ASCC3: variants seen among roughly 807,000 people sequenced by gnomAD.
ASCC3 encodes activating signal cointegrator 1 complex subunit 3.
In ASCC3, 158 loss-of-function variants were observed where a neutral mutation model predicts 256.3. The observed-to-expected ratio is 0.62, with a 90% CI of 0.54 to 0.70. The LOEUF (loss-of-function observed/expected upper bound fraction) is 0.70, where lower values mean the gene tolerates loss of function less well. Among genes scored for constraint, ASCC3 ranks in the 30% least tolerant of loss-of-function variants. The pLI, the probability that ASCC3 is intolerant of heterozygous loss-of-function variation, is 0.00. For missense variants in ASCC3, 2,259 were observed against 2,626.0 expected, an observed-to-expected ratio of 0.86 and a Z score of 3.05; for synonymous variants, 948 against 883.4, an observed-to-expected ratio of 1.07 and a Z score of -1.30.
intron 17 of ASCC3, among the ~76,000 whole-genome samples, chr6:100,655,119 A>C (rs1249183720): frequency 6.6e-6 from 1 of 151,980 alleles, no homozygotes; most frequent in Non-Finnish European, 1.5e-5. Context: ...AAGGAAAGAC[A>C]AGATTTCACA....
rs141835630 is a variant in ASCC3 at position 100,683,577 on chromosome 6, C to T, written c.2152-3825G>A. Among the ~76,000 whole-genome samples, 1,250 of 152,068 alleles carry T rather than the reference C, an allele frequency of 8.2e-3. 17 individuals carry two copies. The highest frequency in any genetic ancestry group is 0.029 in the African/African-American group (1,184 of 41,510). Reference sequence around the variant, plus strand: ...AATTTGGTTAATTAACTTAAATAGACTCATATGAAAATCACAAGTAATAGG... The same window carrying T: ...AATTTGGTTAATTAACTTAAATAGATTCATATGAAAATCACAAGTAATAGG... On this transcript the variant is annotated intron_variant, in intron 13 of 41. Transcript: ENST00000369162.
At chr6:100,658,716 T>C (rs1451052242) in intron 16 of ASCC3, among the ~76,000 whole-genome samples, 1 of 151,366 alleles carries the variant, frequency 6.6e-6, no homozygotes, top group African/African-American at 2.4e-5. Context: ...AAGATCTGTG[T>C]TGGAGAGTAA....
chr6:100,654,683 C>A (rs924819104), intron 17 of ASCC3, among the ~76,000 whole-genome samples: 14 of 151,930 alleles, frequency 9.2e-5, no homozygotes, highest in African/African-American at 3.4e-4. Flanking sequence ...GCACAAATTT[C>A]AACTGAGACA....
At chr6:100,872,974 G>A (rs1005525913) in intron 1 of ASCC3, among the ~76,000 whole-genome samples, 1 of 151,962 alleles carries the variant, frequency 6.6e-6, no homozygotes, top group African/African-American at 2.4e-5. Context: ...GACAAAACAT[G>A]GTTCTTTAAC....
In ASCC3 at chr6:100,508,837, T is replaced by G. The variant is rs1773620070; in HGVS notation, c.*549A>C. ...ATCATCATTAGGCTCCATAATATAA[T>G]TTTACATCATATATTATTAAACATT... On this transcript the variant is annotated 3_prime_UTR_variant, in exon 42 of 42. Transcript: ENST00000369162. The G allele has an allele frequency of 6.5e-6, 1 of 154,662 alleles. No homozygotes were observed. The highest frequency in any genetic ancestry group is 6.4e-5 in the Admixed American group (1 of 15,736). 9.6% of individuals were successfully genotyped at this position (154,662 alleles called of 1,614,324 possible). A position where few individuals can be genotyped will look rare whatever the true frequency, so the allele number is the denominator to read the frequency against.
In ASCC3 at chr6:100,701,718, A is replaced by G. The variant is rs1463919191; in HGVS notation, c.2151+13744T>C. Among the ~76,000 whole-genome samples the G allele has an allele frequency of 2.0e-5, 3 of 152,294 alleles. No individual in the cohort carries two copies. The East Asian group carries it at 5.8e-4, about 29-fold the overall frequency. ...CTATAGCTGGAATTACGAATAAGAT[A>G]TACAGTGTTATTACAGCTTATAATA... On this transcript the variant is annotated intron_variant, in intron 13 of 41. Transcript: ENST00000369162.
intron 8 of ASCC3, among the ~76,000 whole-genome samples, chr6:100,773,605 T>C (rs2115149433): frequency 6.6e-6 from 1 of 152,292 alleles, no homozygotes; most frequent in Admixed American, 6.5e-5. Context: ...TATGTATTAT[T>C]ATTATGACCC....
At position 100,655,804 on chromosome 6, in the gene ASCC3, T is replaced by C; in HGVS notation, c.2718A>G (p.Thr906=). The C allele has an allele frequency of 1.2e-6, 2 of 1,611,414 alleles. No individual in the cohort carries two copies. The highest frequency in any genetic ancestry group is 1.7e-4 in the Middle Eastern group (1 of 6,054). The part of the protein sequence containing the change: ...DNLNAEIALG[T]VTNVEEAVKW... ...TCACTGCTTCTTCCACATTAGTAAC[T>C]GTTCCCAGAGCAATCTGCAAATCAA... The change falls in exon 17 of 42, where the codon ACA becomes ACG. Residue 906 remains threonine, a synonymous_variant. Coordinates refer to ENST00000369162, the MANE Select transcript of ASCC3 (RefSeq NM_006828.4).
At chr6:100,574,134 TA>T (rs1461566908) in intron 36 of ASCC3, among the ~76,000 whole-genome samples, 2 of 152,156 alleles carry the variant, frequency 1.3e-5, no homozygotes, top group African/African-American at 4.8e-5. Flanking sequence ...TAAATCTCCT[TA>T]AAAAATACGG....
intron 36 of ASCC3, among the ~76,000 whole-genome samples, chr6:100,551,965 A>G (rs1040272872): frequency 6.6e-6 from 1 of 151,764 alleles, no homozygotes; most frequent in African/African-American, 2.4e-5. Flanking sequence ...GGGAATTGAT[A>G]CAATAGGTGA....
intron 36 of ASCC3, among the ~76,000 whole-genome samples, chr6:100,580,829 G>A (rs1271404628): frequency 3.4e-5 from 5 of 147,820 alleles, no homozygotes; most frequent in Non-Finnish European, 5.9e-5. Flanking sequence ...GAGAATATGC[G>A]GTGTTTGGTT....
chr6:100,786,371 CTT>C (rs1460926760), intron 8 of ASCC3, among the ~76,000 whole-genome samples: 4 of 152,222 alleles, frequency 2.6e-5, no homozygotes, highest in Middle Eastern at 3.4e-3. Flanking sequence ...ATGAAATTCT[CTT>C]GTTTAAGGAG....
At chr6:100,857,227 TACTC>T (rs1772989719) in intron 3 of ASCC3, 1 of 152,142 alleles carries the variant, frequency 6.6e-6, no homozygotes, top group South Asian at 2.1e-4. Flanking sequence ...TCAAAGCTCT[TACTC>T]ATGTTCATAT....
At chr6:100,705,732 G>T (rs552669222) in intron 13 of ASCC3, among the ~76,000 whole-genome samples, 161 of 151,964 alleles carry the variant, frequency 1.1e-3, no homozygotes, top group Admixed American at 6.0e-3. Flanking sequence ...AGAATAGACT[G>T]CATATTTCTT....
chr6:100,823,281 T>A (rs931439600), intron 4 of ASCC3, among the ~76,000 whole-genome samples: 6 of 152,210 alleles, frequency 3.9e-5, no homozygotes, highest in African/African-American at 4.8e-5. Context: ...AGTACAGCTG[T>A]CTGGATCACT....
intron 16 of ASCC3, 139 bp downstream of exon 16, chr6:100,661,667 C>A (rs1776226612): frequency 5.0e-6 from 4 of 797,184 alleles, no homozygotes; most frequent in Non-Finnish European, 8.5e-6. Context: ...ATGCCATTCA[C>A]CCTGTTTTGT....
chr6:100,554,240 G>A (rs1435680836), intron 36 of ASCC3, among the ~76,000 whole-genome samples: 4 of 152,106 alleles, frequency 2.6e-5, no homozygotes, highest in Non-Finnish European at 5.9e-5. Flanking sequence ...GGTTGAGTGT[G>A]TGTGTATTTT....
intron 8 of ASCC3, among the ~76,000 whole-genome samples, chr6:100,791,871 T>C (rs1769364058): frequency 6.6e-6 from 1 of 151,900 alleles, no homozygotes; most frequent in Admixed American, 6.6e-5. Flanking sequence ...CATTTCTTAC[T>C]GGACTTTTTT....
chr6:100,680,535 A>C (rs1334522417), intron 13 of ASCC3, among the ~76,000 whole-genome samples: 1 of 152,204 alleles, frequency 6.6e-6, no homozygotes, highest in Non-Finnish European at 1.5e-5. Context: ...AAGAGCCATT[A>C]GTATGATAAA....
Sources: gnomAD v4.1 joint callset for allele counts (sites outside exome capture counted in the v4.1 genomes callset) on GRCh38, gnomAD v4.1.1 for gene constraint, MANE v1.5 for transcripts, NCBI Gene and HGNC (gene_info 2026-07-23, HGNC 2026-07-21) for gene names.